Variants in ERC1 observed in about 807,000 individuals in gnomAD.
ERC1 encodes the protein RAB6 interacting protein 2.
In ERC1, 56 loss-of-function variants were observed where a neutral mutation model predicts 132.0. The ratio of observed to expected loss-of-function variants is 0.42; its 90% CI spans 0.34 to 0.53. ERC1 has a LOEUF of 0.53. Ranked by LOEUF, ERC1 falls within the 20% of genes least tolerant of loss-of-function variation. The pLI, the probability that ERC1 is intolerant of heterozygous loss-of-function variation, is 0.03. For missense variants in ERC1, 1,202 were observed against 1,349.9 expected (o/e 0.89, Z 1.72); for synonymous variants, 478 against 476.1 (o/e 1.00, Z -0.05).
intron 14 of ERC1, among the ~76,000 whole-genome samples, chr12:1,287,583 T>C (rs907407592): frequency 2.1e-4 from 32 of 152,234 alleles, no homozygotes; most frequent in African/African-American, 7.2e-4. Context: ...TGAGAGAGAA[T>C]TCCCTCTGCC....
chr12:1,240,314 G>T (rs1458969965), intron 13 of ERC1, among the ~76,000 whole-genome samples: 1 of 152,136 alleles, frequency 6.6e-6, no homozygotes, highest in Non-Finnish European at 1.5e-5. Flanking sequence ...GAAGCTGAGT[G>T]GTGGTGACAT....
chr12:1,028,918 A>G (rs550032285), intron 2 of ERC1, among the ~76,000 whole-genome samples: 5 of 151,212 alleles, frequency 3.3e-5, no homozygotes, highest in African/African-American at 9.7e-5. Context: ...CTATTACCAA[A>G]TGTATTTTAG....
At chr12:1,153,468 C>G (rs985435118) in intron 8 of ERC1, among the ~76,000 whole-genome samples, 3 of 152,232 alleles carry the variant, frequency 2.0e-5, no homozygotes, top group Non-Finnish European at 4.4e-5. Flanking sequence ...TTTCAGGTTG[C>G]TGCCTGGGAG....
intron 10 of ERC1, 96 bp downstream of exon 10, chr12:1,182,161 G>T: frequency 8.3e-7 from 1 of 1,205,618 alleles, no homozygotes; most frequent in Middle Eastern, 2.8e-4. Context: ...AGTATTCGAT[G>T]GAAAATTTTC....
chr12:1,183,223 A>C, intron 10 of ERC1, 58 bp from the exon 11 acceptor site: 1 of 1,236,280 alleles, frequency 8.1e-7, no homozygotes, highest in Non-Finnish European at 1.1e-6. Context: ...AAATTTAAAA[A>C]TTTAAACCTC....
At chr12:1,017,503 T>TTC (rs2154142990) in intron 1 of ERC1, among the ~76,000 whole-genome samples, 1 of 150,456 alleles carries the variant, frequency 6.6e-6, no homozygotes, top group East Asian at 1.9e-4. Context: ...GTATTTTTTT[T>TTC]TTTTTTTTTT....
intron 7 of ERC1, among the ~76,000 whole-genome samples, chr12:1,124,114 T>G (rs1377311748): frequency 6.6e-6 from 1 of 152,232 alleles, no homozygotes; most frequent in Non-Finnish European, 1.5e-5. Context: ...AAAGTTTTAA[T>G]AACATTAACA....
At chr12:1,307,680 T>G (rs965626431) in intron 15 of ERC1, among the ~76,000 whole-genome samples, 44 of 152,320 alleles carry the variant, frequency 2.9e-4, no homozygotes, top group African/African-American at 1.0e-3. Flanking sequence ...AGTTGATGAT[T>G]CCTTTTTGCT....
chr12:1,030,462 C>A (rs530805921), intron 2 of ERC1, among the ~76,000 whole-genome samples: 2 of 152,226 alleles, frequency 1.3e-5, no homozygotes, highest in East Asian at 1.9e-4. Context: ...GTAGCTCGCA[C>A]CTGTACTCCC....
At chr12:1,395,607 G>A (rs1297447635) in intron 16 of ERC1, among the ~76,000 whole-genome samples, 1 of 151,994 alleles carries the variant, frequency 6.6e-6, no homozygotes, top group Non-Finnish European at 1.5e-5. Context: ...AGCTAAGAAG[G>A]GATATCTTCA....
chr12:1,096,801 A>G (rs1432443506), intron 3 of ERC1, among the ~76,000 whole-genome samples: 2 of 152,220 alleles, frequency 1.3e-5, no homozygotes, highest in Non-Finnish European at 2.9e-5. Flanking sequence ...ACCACTACCT[A>G]GGTCTAGAAA....
At chr12:1,180,280 TGTGCGCGCACGC>T (rs1318689585) in intron 8 of ERC1, among the ~76,000 whole-genome samples, 32 of 140,826 alleles carry the variant, frequency 2.3e-4, no homozygotes, top group African/African-American at 9.3e-4. Flanking sequence ...TGTGTGTGTG[TGTGCGCGCACGC>T]GTGTGCGCGC....
At chr12:1,113,223 A>C (rs533841511) in intron 6 of ERC1, among the ~76,000 whole-genome samples, 1 of 152,336 alleles carries the variant, frequency 6.6e-6, no homozygotes, top group East Asian at 1.9e-4. Flanking sequence ...GTGTCTTGGA[A>C]CCAGTCCCCC....
At chr12:1,484,130 C>T (rs1278054437) in intron 18 of ERC1, among the ~76,000 whole-genome samples, 3 of 151,594 alleles carry the variant, frequency 2.0e-5, no homozygotes, top group East Asian at 4.0e-4. Context: ...ATGGTGAAAC[C>T]CCATCTCTAC....
At chr12:1,313,707 C>G (rs577597546) in intron 15 of ERC1, among the ~76,000 whole-genome samples, 1 of 151,224 alleles carries the variant, frequency 6.6e-6, no homozygotes, top group Non-Finnish European at 1.5e-5. Context: ...TTTTTTTGCC[C>G]GGGTACGGTG....
intron 2 of ERC1, among the ~76,000 whole-genome samples, chr12:1,043,065 A>T (rs1205655639): frequency 1.4e-5 from 2 of 140,050 alleles, no homozygotes; most frequent in African/African-American, 2.8e-5. Flanking sequence ...TTTTTTTTAG[A>T]CAGAGCCTTG....
At chr12:1,238,737 T>C (rs1221001531) in intron 13 of ERC1, among the ~76,000 whole-genome samples, 1 of 152,166 alleles carries the variant, frequency 6.6e-6, no homozygotes, top group Admixed American at 6.5e-5. Flanking sequence ...CTATTAGCAG[T>C]CTCTCTCTAT....
chr12:1,034,953 C>T (rs1463735491), intron 2 of ERC1, among the ~76,000 whole-genome samples: 9 of 152,164 alleles, frequency 5.9e-5, no homozygotes, highest in Admixed American at 5.2e-4. Context: ...CTAGATTCCA[C>T]CCCTTGCCCT....
chr12:1,238,134 A>G (rs2075552476), intron 13 of ERC1, among the ~76,000 whole-genome samples: 1 of 150,470 alleles, frequency 6.6e-6, no homozygotes, highest in African/African-American at 2.4e-5. Context: ...TAATATTGGC[A>G]GTTTTCTCAT....
Sources: gnomAD v4.1 joint callset for allele counts (sites outside exome capture counted in the v4.1 genomes callset) on GRCh38, gnomAD v4.1.1 for gene constraint, MANE v1.5 for transcripts, NCBI Gene and HGNC (gene_info 2026-07-23, HGNC 2026-07-21) for gene names.